Variants in PNPT1 observed in about 807,000 individuals in gnomAD.
PNPT1 encodes the protein polyribonucleotide nucleotidyltransferase 1, mitochondrial.
Under a neutral mutation model 119.5 loss-of-function variants are expected in PNPT1, and 53 were observed. That is an observed-to-expected ratio of 0.44 (90% confidence interval 0.36 to 0.56). PNPT1 has a LOEUF of 0.56. Ranked by LOEUF, PNPT1 falls within the 20% of genes least tolerant of loss-of-function variation. PNPT1 has a pLI of 0.00. For missense variants in PNPT1, 948 were observed against 938.5 expected, an observed-to-expected ratio of 1.01 and a Z score of -0.13; for synonymous variants, 357 against 322.1, an observed-to-expected ratio of 1.11 and a Z score of -1.16.
chr2:55,645,246 G>C (rs7580619), intron 22 of PNPT1, 103 bp downstream of exon 22: 5 of 685,540 alleles, frequency 7.3e-6, no homozygotes, highest in Non-Finnish European at 1.2e-5. Context: ...GGATGGTCTC[G>C]ATCTCCTGAC....
chr2:55,656,857 T>G (rs1696403827), intron 15 of PNPT1, among the ~76,000 whole-genome samples: 1 of 152,206 alleles, frequency 6.6e-6, no homozygotes, highest in Non-Finnish European at 1.5e-5. Flanking sequence ...AAGTTGCATA[T>G]TTTGAAGTAT....
intron 1 of PNPT1, among the ~76,000 whole-genome samples, chr2:55,692,074 G>A (rs977805470): frequency 1.3e-5 from 2 of 151,434 alleles, no homozygotes; most frequent in Admixed American, 6.6e-5. Context: ...TAGTAAAGAC[G>A]GGGTTTCACC....
At chr2:55,669,347 T>C (rs139079977) in intron 11 of PNPT1, among the ~76,000 whole-genome samples, 1 of 152,348 alleles carries the variant, frequency 6.6e-6, no homozygotes, top group Admixed American at 6.5e-5. Context: ...TTCTACCCTA[T>C]CAATTAATTT....
intron 1 of PNPT1, among the ~76,000 whole-genome samples, chr2:55,689,658 C>T (rs960065126): frequency 2.6e-5 from 4 of 152,072 alleles, no homozygotes; most frequent in South Asian, 2.1e-4. Context: ...AAATCCACAG[C>T]GATGGAAAGT....
intron 3 of PNPT1, 94 bp downstream of exon 3, chr2:55,686,276 T>C: frequency 1.8e-6 from 2 of 1,131,988 alleles, no homozygotes; most frequent in East Asian, 2.5e-5. Flanking sequence ...TGCAAGTTTG[T>C]ATTTTCCACT....
Position 55,647,484 on chromosome 2 carries a change from A to T in PNPT1, c.1496-31T>A, listed in dbSNP as rs1023651457. On this transcript the variant is annotated intron_variant, in intron 18 of 27. Coordinates refer to ENST00000447944, the MANE Select transcript of PNPT1 (RefSeq NM_033109.5). ...ATTGGGAAAAAGAACAACTGTGGGT[A>T]ATGTGTACATGAGCCTAAAACAAAT... The T allele has an allele frequency of 2.6e-6, 4 of 1,523,416 alleles. No homozygotes were observed. In the Admixed American group the frequency reaches 5.5e-5, roughly 21 times the overall value. The allele number at this position is 1,523,416 out of a possible 1,614,324, so 94.4% of individuals were successfully genotyped here.
chr2:55,661,888 C>T, intron 14 of PNPT1, 68 bp downstream of exon 14: 3 of 1,325,956 alleles, frequency 2.3e-6, no homozygotes, highest in Non-Finnish European at 3.0e-6. Flanking sequence ...TAATAATATA[C>T]CACATAAGCT....
At chr2:55,677,224 T>G (rs929870413) in intron 8 of PNPT1, among the ~76,000 whole-genome samples, 1 of 152,228 alleles carries the variant, frequency 6.6e-6, no homozygotes, top group African/African-American at 2.4e-5. Context: ...TCTTCCCTCC[T>G]GTGAGCAACA....
chr2:55,644,795 AGAT>A (rs1397863586), intron 22 of PNPT1, 75 bp from the exon 23 acceptor site: 4 of 1,048,746 alleles, frequency 3.8e-6, no homozygotes, highest in African/African-American at 3.3e-5. Context: ...TGGTCACTTG[AGAT>A]TTTTTTTTTT....
chr2:55,669,599 TCTA>T lies in PNPT1; in HGVS notation c.977-1644_977-1642del, dbSNP rs775189826. 5.3e-5 allele frequency among the ~76,000 whole-genome samples: 8 copies of T among 152,338 alleles called. No individual in the cohort carries two copies. In the East Asian group the frequency reaches 1.5e-3, roughly 29 times the overall value. On this transcript the variant is annotated intron_variant, in intron 11 of 27. Transcript: ENST00000447944. ...TCAACCCAGAGGGTCGTGAAGATAT[TCTA>T]CTATGTATAATACAAACAAAAAGTC... is the stretch of plus-strand genomic sequence containing the variant.
chr2:55,684,494 A>T (rs1189507458), intron 4 of PNPT1, among the ~76,000 whole-genome samples: 2 of 152,238 alleles, frequency 1.3e-5, no homozygotes, highest in Non-Finnish European at 2.9e-5. Context: ...TAGAAGAGCT[A>T]TAAATTACAT....
intron 11 of PNPT1, among the ~76,000 whole-genome samples, chr2:55,670,722 T>C (rs980141784): frequency 2.0e-5 from 3 of 152,150 alleles, no homozygotes; most frequent in Admixed American, 2.0e-4. Flanking sequence ...TTAAAGAATA[T>C]ATTTGGGTTT....
intron 5 of PNPT1, 77 bp downstream of exon 5, chr2:55,683,708 C>G: frequency 7.7e-7 from 1 of 1,300,702 alleles, no homozygotes; most frequent in Non-Finnish European, 1.1e-6. Context: ...ATAATGTTTA[C>G]TCTAGGAAAT....
intron 1 of PNPT1, among the ~76,000 whole-genome samples, chr2:55,688,973 A>C (rs1245438991): frequency 6.6e-6 from 1 of 152,216 alleles, no homozygotes; most frequent in African/African-American, 2.4e-5. Flanking sequence ...CCTAGACCCA[A>C]ACGTAAGAGC....
At chr2:55,636,723 T>C (rs374291173) in intron 27 of PNPT1, among the ~76,000 whole-genome samples, 38 of 152,298 alleles carry the variant, frequency 2.5e-4, no homozygotes, top group African/African-American at 8.2e-4. Context: ...GAGAGCCTAA[T>C]TGTGTTATAT....
At chr2:55,652,055 A>T (rs906349463) in intron 18 of PNPT1, among the ~76,000 whole-genome samples, 1 of 152,214 alleles carries the variant, frequency 6.6e-6, no homozygotes, top group African/African-American at 2.4e-5. Flanking sequence ...CCCAGTCAAC[A>T]ATTACTCAGC....
At chr2:55,691,878 A>ATATATATATATTT (rs1326804958) in intron 1 of PNPT1, among the ~76,000 whole-genome samples, 10 of 33,100 alleles carry the variant, frequency 3.0e-4, no homozygotes, top group Non-Finnish European at 3.5e-4. Context: ...ATATATATAT[A>ATATATATATATTT]TTTTTTTTTT....
intron 13 of PNPT1, among the ~76,000 whole-genome samples, chr2:55,666,563 A>G (rs1696740123): frequency 6.6e-6 from 1 of 152,216 alleles, no homozygotes; most frequent in Admixed American, 6.5e-5. Context: ...ACCAAAGGCC[A>G]GGCGTGGTGG....
chr2:55,687,800 T>A, intron 1 of PNPT1, 95 bp from the exon 2 acceptor site: 1 of 942,706 alleles, frequency 1.1e-6, no homozygotes, highest in Non-Finnish European at 1.5e-6. Context: ...GGGAAGATTC[T>A]AACCCCCAAC....
Sources: allele counts gnomAD v4.1 joint callset (sites outside exome capture counted in the v4.1 genomes callset), GRCh38; gene constraint gnomAD v4.1.1; transcripts MANE v1.5; gene names NCBI Gene and HGNC (gene_info 2026-07-23, HGNC 2026-07-21).